The following CALN1 variants were observed in gnomAD, a reference collection of about 807,000 sequenced individuals.
The protein encoded by CALN1 is calcium-binding protein 8.
In CALN1, 17 loss-of-function variants were observed where a neutral mutation model predicts 30.6. The ratio of observed to expected loss-of-function variants is 0.56; its 90% confidence interval spans 0.38 to 0.83. The LOEUF (loss-of-function observed/expected upper bound fraction) is 0.83, where lower values mean the gene tolerates loss of function less well. Among genes scored for constraint, CALN1 ranks in the 40% least tolerant of loss-of-function variants. CALN1 has a pLI of 0.00. For synonymous variants in CALN1, 156 were observed against 131.4 expected (o/e 1.19, Z -1.28); for missense variants, 291 against 354.9 (o/e 0.82, Z 1.45).
intron 2 of CALN1, among the ~76,000 whole-genome samples, chr7:72,387,274 A>AGGGAGGGAGGGAGGGAGGG (rs1562939094): frequency 1.7e-4 from 2 of 11,692 alleles, no homozygotes; most frequent in Non-Finnish European, 3.5e-4. Flanking sequence ...GGAAGGGAGG[A>AGGGAGGGAGGGAGGGAGGG]AGGGAGGGAG....
intron 1 of CALN1, among the ~76,000 whole-genome samples, chr7:72,443,210 A>AT (rs547243890): frequency 6.6e-5 from 10 of 151,984 alleles, no homozygotes; most frequent in Non-Finnish European, 1.2e-4. Context: ...TTCGTGACTT[A>AT]TTTTTTTGTC....
intron 5 of CALN1, among the ~76,000 whole-genome samples, chr7:71,875,547 C>T (rs1425738553): frequency 6.6e-6 from 1 of 152,158 alleles, no homozygotes; most frequent in Non-Finnish European, 1.5e-5. Context: ...AATTATGAGT[C>T]TGTGGCAGGA....
At chr7:72,295,997 G>A (rs974137671) in intron 2 of CALN1, among the ~76,000 whole-genome samples, 4 of 151,782 alleles carry the variant, frequency 2.6e-5, no homozygotes, top group African/African-American at 9.7e-5. Flanking sequence ...ATTGGCTGTG[G>A]GTTTGTCATA....
chr7:72,495,820 C>T, the CALN1 span, among the ~76,000 whole-genome samples: 1 of 152,168 alleles, frequency 6.6e-6, no homozygotes, highest in South Asian at 2.1e-4. Context: ...TAGCATCCTT[C>T]CTGAACTTTT....
At chr7:71,967,643 GAAAGA>G (rs1554399062) in intron 5 of CALN1, among the ~76,000 whole-genome samples, 1,821 of 137,090 alleles carry the variant, frequency 0.013, 35 homozygotes, top group African/African-American at 0.046. Flanking sequence ...AAAAAAAAAA[GAAAGA>G]AAAGAAAAGA....
At chr7:71,895,922 G>T (rs1278639900) in intron 5 of CALN1, among the ~76,000 whole-genome samples, 1 of 152,108 alleles carries the variant, frequency 6.6e-6, no homozygotes, top group Non-Finnish European at 1.5e-5. Flanking sequence ...TAATAGGAGG[G>T]AGGCTCCAAA....
chr7:72,177,375 A>G (rs926798123), intron 3 of CALN1, among the ~76,000 whole-genome samples: 4 of 152,186 alleles, frequency 2.6e-5, no homozygotes, highest in Admixed American at 1.3e-4. Flanking sequence ...GGGTCTATGT[A>G]AGACTGATCA....
At chr7:72,248,596 C>G (rs1795343583) in intron 3 of CALN1, among the ~76,000 whole-genome samples, 1 of 152,076 alleles carries the variant, frequency 6.6e-6, no homozygotes, top group Admixed American at 6.5e-5. Context: ...CTTATAAGGA[C>G]ACTTATCATT....
rs1015125978 is a variant in CALN1 at position 72,372,087 on chromosome 7, C to T, written c.119+31164G>A. Among the ~76,000 whole-genome samples, 11 of 152,172 alleles carry T rather than the reference C, an allele frequency of 7.2e-5. 1 individual carries two copies. Among genetic ancestry groups the T allele is most frequent in the African/African-American group, 2.2e-4 (9 of 41,446 alleles). On this transcript the variant is annotated intron_variant, in intron 2 of 6. Transcript: ENST00000395275. ...AAACAGGGAAGGCTCCAGGAGACAC[C>T]TCTCATTCTGGCTTGATGAAAGGAT...
chr7:72,086,183 T>A (rs908463262), intron 4 of CALN1, among the ~76,000 whole-genome samples: 3 of 152,164 alleles, frequency 2.0e-5, no homozygotes, highest in African/African-American at 7.2e-5. Flanking sequence ...AAGAAAATGA[T>A]CACTTGTGTA....
At chr7:71,977,847 G>A (rs1396791348) in intron 5 of CALN1, among the ~76,000 whole-genome samples, 1 of 150,558 alleles carries the variant, frequency 6.6e-6, no homozygotes, top group East Asian at 2.0e-4. Context: ...AAGGAGAATC[G>A]CTTGAACCTG....
intron 5 of CALN1, among the ~76,000 whole-genome samples, chr7:71,912,268 T>G (rs1248264633): frequency 1.3e-5 from 2 of 151,998 alleles, no homozygotes; most frequent in East Asian, 3.9e-4. Context: ...TGAGACTTTC[T>G]GCTGTGCCAG....
the CALN1 span, among the ~76,000 whole-genome samples, chr7:72,503,674 T>C: frequency 6.6e-6 from 1 of 151,972 alleles, no homozygotes; most frequent in African/African-American, 2.4e-5. Flanking sequence ...CCAGTACCAG[T>C]AACCTTCTCT....
intron 5 of CALN1, among the ~76,000 whole-genome samples, chr7:71,970,908 A>AC (rs2129526276): frequency 6.6e-6 from 1 of 152,314 alleles, no homozygotes; most frequent in Admixed American, 6.5e-5. Context: ...ATTGAGAGCC[A>AC]ATTTCAGGCT....
At chr7:71,905,041 C>A (rs1794055502) in intron 5 of CALN1, among the ~76,000 whole-genome samples, 1 of 152,110 alleles carries the variant, frequency 6.6e-6, no homozygotes, top group Admixed American at 6.6e-5. Context: ...CAGGTTCAAG[C>A]AATTCTCCTG....
intron 3 of CALN1, among the ~76,000 whole-genome samples, chr7:72,136,550 A>G (rs1809527239): frequency 6.6e-6 from 1 of 152,250 alleles, no homozygotes; most frequent in African/African-American, 2.4e-5. Flanking sequence ...TGTGTCCACT[A>G]GAGTGGCACT....
intron 3 of CALN1, among the ~76,000 whole-genome samples, chr7:72,270,109 A>G (rs576991423): frequency 7.7e-4 from 116 of 151,212 alleles, no homozygotes; most frequent in Non-Finnish European, 7.4e-5. Context: ...GTGTGTGTGT[A>G]TGTATGTGTG....
At chr7:72,243,335 A>T (rs1438597550) in intron 3 of CALN1, among the ~76,000 whole-genome samples, 1 of 152,220 alleles carries the variant, frequency 6.6e-6, no homozygotes, top group African/African-American at 2.4e-5. Flanking sequence ...GAACTATGAG[A>T]AACAAACTTT....
At chr7:72,171,362 C>A (rs998720074) in intron 3 of CALN1, among the ~76,000 whole-genome samples, 1 of 152,068 alleles carries the variant, frequency 6.6e-6, no homozygotes, top group Non-Finnish European at 1.5e-5. Context: ...TGGTGGTACA[C>A]ACCTATAAAT....
Sources: allele counts gnomAD v4.1 joint callset (sites outside exome capture counted in the v4.1 genomes callset), GRCh38; gene constraint gnomAD v4.1.1; transcripts MANE v1.5; gene names NCBI Gene and HGNC (gene_info 2026-07-23, HGNC 2026-07-21).